The following ARL15 variants were observed in gnomAD, a reference collection of about 807,000 sequenced individuals.
ARL15 encodes the protein ADP-ribosylation factor-like protein 15.
ARL15 carries 19 observed loss-of-function variants against 25.2 expected under a neutral mutation model. That is an observed-to-expected ratio of 0.75 (90% CI 0.53 to 1.10). ARL15 has a LOEUF of 1.10. Among genes scored for constraint, ARL15 ranks in the 50% least tolerant of loss-of-function variants. The pLI, the probability that ARL15 is intolerant of heterozygous loss-of-function variation, is 0.00. For synonymous variants in ARL15, 94 were observed against 86.8 expected, an observed-to-expected ratio of 1.08 and a Z score of -0.46; for missense variants, 220 against 246.0, an observed-to-expected ratio of 0.89 and a Z score of 0.71.
chr5:54,233,681 A>T (rs1756729101), intron 1 of ARL15, among the ~76,000 whole-genome samples: 1 of 152,264 alleles, frequency 6.6e-6, no homozygotes, highest in Non-Finnish European at 1.5e-5. Flanking sequence ...CCACATGGCA[A>T]CTAGCCCCTA....
rs180851861 is a variant in ARL15 at position 54,219,799 on chromosome 5, G to A, written c.49-47871C>T. Among the ~76,000 whole-genome samples the A allele has an allele frequency of 7.9e-5, 12 of 152,246 alleles. No individual in the cohort carries two copies. The East Asian group carries it at 1.9e-3, about 24-fold the overall frequency. ...TTCCAAAAATCACAGAAATGTTGTG[G>A]CTAAAAAGTTCATTCCTGATACTAA... On this transcript the variant is annotated intron_variant, in intron 1 of 4. Transcript: ENST00000504924.
rs569748232 is a variant in ARL15 at position 54,013,597 on chromosome 5, G to A, written c.462+99605C>T. Among the ~76,000 whole-genome samples, 4 of 152,250 alleles carry A rather than the reference G, an allele frequency of 2.6e-5. No homozygotes were observed. The South Asian group carries it at 8.3e-4, about 32-fold the overall frequency. On this transcript the variant is annotated intron_variant, in intron 4 of 4. Transcript: ENST00000504924. Reference sequence around the variant, plus strand: ...CTTACCTTCCTATAAGGCACCAGAGGTCACAAGATTTGTGACTTCCCCACT... The same window carrying A: ...CTTACCTTCCTATAAGGCACCAGAGATCACAAGATTTGTGACTTCCCCACT...
intron 4 of ARL15, among the ~76,000 whole-genome samples, chr5:54,071,595 A>G (rs1025094718): frequency 2.9e-5 from 4 of 140,070 alleles, no homozygotes; most frequent in African/African-American, 1.0e-4. Context: ...TTGGTACACT[A>G]TTGTTCAGAA....
At chr5:54,045,950 G>A (rs1750496324) in intron 4 of ARL15, among the ~76,000 whole-genome samples, 1 of 152,144 alleles carries the variant, frequency 6.6e-6, no homozygotes, top group South Asian at 2.1e-4. Context: ...ACCTATGACT[G>A]CTTTCTTTCC....
intron 4 of ARL15, among the ~76,000 whole-genome samples, chr5:53,964,752 T>C (rs1321155618): frequency 2.0e-5 from 3 of 152,228 alleles, no homozygotes; most frequent in African/African-American, 7.2e-5. Flanking sequence ...ATCTTACTTC[T>C]TCCTAATGTA....
chr5:54,295,654 A>C (rs1240639016), intron 1 of ARL15, among the ~76,000 whole-genome samples: 1 of 152,228 alleles, frequency 6.6e-6, no homozygotes, highest in Non-Finnish European at 1.5e-5. Flanking sequence ...ATACATTTCT[A>C]TACAAAATGA....
At chr5:54,020,527 C>T (rs1265764258) in intron 4 of ARL15, among the ~76,000 whole-genome samples, 1 of 152,188 alleles carries the variant, frequency 6.6e-6, no homozygotes, top group African/African-American at 2.4e-5. Flanking sequence ...AGAGCAGTAT[C>T]AGACGACATC....
intron 1 of ARL15, among the ~76,000 whole-genome samples, chr5:54,291,718 C>A (rs1758322896): frequency 6.6e-6 from 1 of 152,166 alleles, no homozygotes; most frequent in South Asian, 2.1e-4. Context: ...CACTAGTTCC[C>A]ATCTGATCCC....
chr5:53,899,925 A>G (rs1267009901), intron 4 of ARL15, among the ~76,000 whole-genome samples: 1 of 152,142 alleles, frequency 6.6e-6, no homozygotes, highest in Non-Finnish European at 1.5e-5. Flanking sequence ...TATTTATCCA[A>G]TTCTACATTG....
intron 1 of ARL15, among the ~76,000 whole-genome samples, chr5:54,183,165 A>G (rs1067859): frequency 0.99 from 90,949 of 91,668 alleles, 45,265 homozygotes; most frequent in Middle Eastern, 1. Context: ...TTATTGCCCC[A>G]GCCAGAACTT....
At chr5:54,065,204 A>G (rs1305177668) in intron 4 of ARL15, among the ~76,000 whole-genome samples, 2 of 152,244 alleles carry the variant, frequency 1.3e-5, no homozygotes, top group Non-Finnish European at 1.5e-5. Flanking sequence ...AAGATTAATT[A>G]AAACTAATCT....
intron 1 of ARL15, among the ~76,000 whole-genome samples, chr5:54,206,434 A>G (rs1373948015): frequency 1.3e-5 from 2 of 152,204 alleles, no homozygotes; most frequent in Non-Finnish European, 2.9e-5. Flanking sequence ...AAATACTGTC[A>G]ATGAGAAGCA....
At chr5:54,305,817 T>C (rs575344999) in intron 1 of ARL15, among the ~76,000 whole-genome samples, 2 of 152,342 alleles carry the variant, frequency 1.3e-5, no homozygotes, top group South Asian at 2.1e-4. Context: ...CATGGTTAAC[T>C]GAAACCTTGA....
chr5:54,157,385 A>G (rs1754269326), intron 2 of ARL15, among the ~76,000 whole-genome samples: 1 of 152,148 alleles, frequency 6.6e-6, no homozygotes, highest in Non-Finnish European at 1.5e-5. Flanking sequence ...AGTTCACACT[A>G]AGCAAAGTAT....
At chr5:54,272,323 G>A (rs1021521872) in intron 1 of ARL15, among the ~76,000 whole-genome samples, 10 of 151,686 alleles carry the variant, frequency 6.6e-5, no homozygotes, top group African/African-American at 1.5e-4. Context: ...CAGTGACTGC[G>A]TTCTAGGATA....
intron 4 of ARL15, among the ~76,000 whole-genome samples, chr5:53,941,351 T>C (rs1449261745): frequency 1.3e-5 from 2 of 152,162 alleles, no homozygotes; most frequent in African/African-American, 4.8e-5. Flanking sequence ...ATGAAACAGA[T>C]AATAAATAAA....
At chr5:53,988,313 G>GA (rs1206731790) in intron 4 of ARL15, among the ~76,000 whole-genome samples, 34 of 114,198 alleles carry the variant, frequency 3.0e-4, no homozygotes, top group Non-Finnish European at 5.4e-4. Flanking sequence ...AAGAAAAAAA[G>GA]AAAAAAAGAA....
At chr5:54,137,566 G>A (rs1177169191) in intron 3 of ARL15, among the ~76,000 whole-genome samples, 1 of 152,032 alleles carries the variant, frequency 6.6e-6, no homozygotes, top group East Asian at 1.9e-4. Context: ...AATAAACCTG[G>A]GGTAGACACC....
intron 1 of ARL15, among the ~76,000 whole-genome samples, chr5:54,205,525 C>T (rs895770271): frequency 9.2e-5 from 14 of 152,196 alleles, no homozygotes; most frequent in East Asian, 1.9e-4. Context: ...CTGGCTGGCC[C>T]ATCTGACACT....
Sources: allele counts gnomAD v4.1 joint callset (sites outside exome capture counted in the v4.1 genomes callset), GRCh38; gene constraint gnomAD v4.1.1; transcripts MANE v1.5; gene names NCBI Gene and HGNC (gene_info 2026-07-23, HGNC 2026-07-21).